CEP85L: variants seen among roughly 807,000 people sequenced by gnomAD.
CEP85L encodes the protein centrosomal protein 85L.
Under a neutral mutation model 100.3 loss-of-function variants are expected in CEP85L, and 60 were observed. The ratio of observed to expected loss-of-function variants is 0.60; its 90% CI spans 0.49 to 0.74. The LOEUF (loss-of-function observed/expected upper bound fraction) is 0.74, where lower values mean the gene tolerates loss of function less well. Ranked by LOEUF, CEP85L falls within the 30% of genes least tolerant of loss-of-function variation. The probability of loss-of-function intolerance (pLI) is 0.00; values close to 1 mark genes in which losing one functional copy is unlikely to be tolerated. For missense variants in CEP85L, 973 were observed against 936.2 expected (o/e 1.04, Z -0.51); for synonymous variants, 319 against 322.7 (o/e 0.99, Z 0.12).
chr6:118,625,689 G>A (rs542032946), intron 2 of CEP85L, among the ~76,000 whole-genome samples: 1 of 152,300 alleles, frequency 6.6e-6, no homozygotes, highest in South Asian at 2.1e-4. Context: ...AAGTCCAGGA[G>A]CTAAGGGAAT....
At chr6:118,564,513 GTATC>G (rs1779391759) in intron 3 of CEP85L, among the ~76,000 whole-genome samples, 1 of 152,148 alleles carries the variant, frequency 6.6e-6, no homozygotes, top group South Asian at 2.1e-4. Flanking sequence ...TATAAGAACT[GTATC>G]TAAAATAAGA....
intron 5 of CEP85L, among the ~76,000 whole-genome samples, chr6:118,505,275 T>G (rs977740184): frequency 1.3e-5 from 2 of 151,756 alleles, no homozygotes; most frequent in African/African-American, 4.8e-5. Context: ...ACCCCGTCTC[T>G]AATAAAAATA....
At chr6:118,555,080 T>C (rs1778773098) in intron 3 of CEP85L, among the ~76,000 whole-genome samples, 1 of 152,216 alleles carries the variant, frequency 6.6e-6, no homozygotes, top group Admixed American at 6.5e-5. Flanking sequence ...CAAATAGGAA[T>C]TACCAAGTCT....
In CEP85L at chr6:118,565,951, C is replaced by T. The variant is rs997270581; in HGVS notation, c.598G>A (p.Gly200Arg). 1.9e-6 allele frequency: 3 copies of T among 1,614,042 alleles called. No individual in the cohort carries two copies. Among genetic ancestry groups the T allele is most frequent in the Non-Finnish European group, 2.5e-6 (3 of 1,180,032 alleles). ...KALTSQLRTIGPSCLHDSMEM... is the reference protein window; with the variant it reads ...KALTSQLRTIRPSCLHDSMEM... Reference sequence around the variant, plus strand: ...ATACTATCATGTAAACAGCTAGGCCCAATTGTCCTCAGTTGTGATGTTAAA... The same window carrying T: ...ATACTATCATGTAAACAGCTAGGCCTAATTGTCCTCAGTTGTGATGTTAAA... Residue 200 changes from glycine to arginine, a missense_variant, in exon 3 of 13, where the codon GGG becomes AGG. Gly to Arg is a moderately radical substitution (Grantham distance 125). Around this residue, in one of 3 missense-constraint regions of CEP85L, gnomAD observed 890 missense variants for 844.5 expected, o/e 1.05. Transcript: ENST00000368491.
chr6:118,599,994 A>C (rs1441371859), intron 2 of CEP85L, among the ~76,000 whole-genome samples: 1 of 152,172 alleles, frequency 6.6e-6, no homozygotes, highest in Non-Finnish European at 1.5e-5. Flanking sequence ...ACAGAAAAGG[A>C]CATTCATAGA....
At chr6:118,576,180 A>G (rs1396779568) in intron 2 of CEP85L, among the ~76,000 whole-genome samples, 1 of 152,184 alleles carries the variant, frequency 6.6e-6, no homozygotes, top group African/African-American at 2.4e-5. Flanking sequence ...ATGCCTTCCT[A>G]TTGCCTTACC....
rs934882835 is a variant in CEP85L at position 118,553,288 on chromosome 6, C to T, written c.1020+12241G>A. On this transcript the variant is annotated intron_variant, in intron 3 of 12. Transcript: ENST00000368491. Reference sequence around the variant, plus strand: ...GAAGAGAATGATAAACATCTGACAACCATGCCATAAATTATAATGTAGTAA... The same window carrying T: ...GAAGAGAATGATAAACATCTGACAATCATGCCATAAATTATAATGTAGTAA... 1.1e-4 allele frequency among the ~76,000 whole-genome samples: 16 copies of T among 149,630 alleles called. 1 individual carries two copies. The highest frequency in any genetic ancestry group is 8.4e-4 in the South Asian group (4 of 4,738).
At chr6:118,655,531 C>A (rs1198150987), upstream of CEP85L, among the ~76,000 whole-genome samples, 1 of 152,184 alleles carries the variant, frequency 6.6e-6, no homozygotes, top group Non-Finnish European at 1.5e-5. Context: ...CATAAGAAGA[C>A]AAATTCTTCC....
At chr6:118,538,091 C>A (rs1269675403) in intron 3 of CEP85L, 2 of 309,644 alleles carry the variant, frequency 6.5e-6, no homozygotes, top group South Asian at 1.3e-4. Context: ...AATATAAAAT[C>A]TACGTCTTAA....
At chr6:118,627,794 C>T (rs1360561526) in intron 2 of CEP85L, among the ~76,000 whole-genome samples, 1 of 152,098 alleles carries the variant, frequency 6.6e-6, no homozygotes, top group Non-Finnish European at 1.5e-5. Context: ...TAAGGTCTGC[C>T]CTCAGGAGAA....
intron 1 of CEP85L, among the ~76,000 whole-genome samples, chr6:118,692,261 C>T (rs1777069511): frequency 1.3e-5 from 2 of 152,142 alleles, no homozygotes; most frequent in Non-Finnish European, 2.9e-5. Context: ...TTTCATGGTC[C>T]TACTCATAGT....
chr6:118,705,482 C>G (rs528951839), intron 1 of CEP85L, among the ~76,000 whole-genome samples: 27 of 152,198 alleles, frequency 1.8e-4, no homozygotes, highest in Non-Finnish European at 3.5e-4. Flanking sequence ...GCCTTGACCC[C>G]GGAACCAAAT....
chr6:118,529,730 G>A (rs1040751956), intron 3 of CEP85L, among the ~76,000 whole-genome samples: 4 of 151,240 alleles, frequency 2.6e-5, no homozygotes, highest in African/African-American at 9.7e-5. Flanking sequence ...TGATGCCATA[G>A]CAACTTTGAG....
At chr6:118,655,546 C>G (rs1209997057), upstream of CEP85L, among the ~76,000 whole-genome samples, 1 of 152,202 alleles carries the variant, frequency 6.6e-6, no homozygotes, top group African/African-American at 2.4e-5. Flanking sequence ...TCTTCCCTCC[C>G]TGCCTGCTTT....
At chr6:118,594,009 C>A (rs1281409423) in intron 2 of CEP85L, among the ~76,000 whole-genome samples, 1 of 152,156 alleles carries the variant, frequency 6.6e-6, no homozygotes, top group Non-Finnish European at 1.5e-5. Flanking sequence ...TTTCCCTAAT[C>A]CCCTGGACTT....
intron 1 of CEP85L, among the ~76,000 whole-genome samples, chr6:118,673,365 T>C (rs576826750): frequency 6.6e-6 from 1 of 152,314 alleles, no homozygotes; most frequent in Admixed American, 6.5e-5. Context: ...ATTTAGAAGA[T>C]TTCCAGTAAA....
chr6:118,703,287 A>C (rs1777485059), intron 1 of CEP85L, among the ~76,000 whole-genome samples: 1 of 152,098 alleles, frequency 6.6e-6, no homozygotes, highest in Non-Finnish European at 1.5e-5. Context: ...GTTTTGAGGT[A>C]GTCTTTATGC....
intron 5 of CEP85L, among the ~76,000 whole-genome samples, chr6:118,492,993 T>G (rs936220711): frequency 4.6e-5 from 7 of 152,294 alleles, no homozygotes; most frequent in Admixed American, 3.9e-4. Flanking sequence ...ACTCAAATTT[T>G]AATCAGAGAC....
intron 5 of CEP85L, among the ~76,000 whole-genome samples, chr6:118,493,758 T>C (rs923287443): frequency 3.3e-5 from 5 of 152,144 alleles, no homozygotes; most frequent in Non-Finnish European, 5.9e-5. Flanking sequence ...GTAGGTTATA[T>C]AGAAAAATAG....
Sources: gnomAD v4.1 joint callset for allele counts (sites outside exome capture counted in the v4.1 genomes callset) on GRCh38, gnomAD v4.1.1 for gene constraint, gnomAD v4.1.1 regional missense constraint, MANE v1.5 for transcripts, NCBI Gene and HGNC (gene_info 2026-07-23, HGNC 2026-07-21) for gene names.